ODAD1: variants seen among roughly 807,000 people sequenced by gnomAD.
ODAD1 encodes the protein outer dynein arm-docking complex subunit 1.
ODAD1 carries 49 observed loss-of-function variants against 67.2 expected under a neutral mutation model. The observed-to-expected ratio is 0.73, with a 90% CI of 0.58 to 0.92. The LOEUF is 0.92. Ranked by LOEUF, ODAD1 falls within the 40% of genes least tolerant of loss-of-function variation. The pLI is 0.00. For synonymous variants in ODAD1, 345 were observed against 393.7 expected, an observed-to-expected ratio of 0.88 and a Z score of 1.46; for missense variants, 897 against 953.7, an observed-to-expected ratio of 0.94 and a Z score of 0.78.
intron 12 of ODAD1, 59 bp downstream of exon 12, chr19:48,302,635 G>C (rs1395998445): frequency 6.8e-7 from 1 of 1,471,610 alleles, no homozygotes; most frequent in Non-Finnish European, 9.3e-7. Context: ...CCCGCGGGCT[G>C]ATGGTGTCCT....
intron 5 of ODAD1, among the ~76,000 whole-genome samples, chr19:48,312,825 C>T (rs12151135): frequency 0.18 from 27,178 of 152,098 alleles, 2,543 homozygotes; most frequent in Middle Eastern, 0.23. Flanking sequence ...GAGAATGAGG[C>T]CAGTGGACAG....
At position 48,318,405 on chromosome 19, in the gene ODAD1, G is replaced by A; in HGVS notation, c.342C>T (p.Thr114=). The change falls in exon 5 of 16, where the codon ACC becomes ACT. Residue 114 remains threonine (T), a synonymous_variant. Coordinates refer to ENST00000674294, the MANE Select transcript of ODAD1 (RefSeq NM_001364171.2). The part of the protein sequence containing the change: ...QAEIEELQEQ[T]RALDKQIQEW... The stretch of plus-strand genomic sequence containing the variant: ...ACCCCACCTGCTTGTCCAGGGCCCT[G>A]GTCTGCTCCTGCAGCTCCTCGATCT... The A allele has an allele frequency of 6.4e-7, 1 of 1,551,586 alleles. No homozygotes were observed. Among genetic ancestry groups the A allele is most frequent in the Non-Finnish European group, 8.7e-7 (1 of 1,146,962 alleles).
chr19:48,308,502 G>A (rs1436497354), intron 7 of ODAD1, among the ~76,000 whole-genome samples: 2 of 139,540 alleles, frequency 1.4e-5, no homozygotes, highest in African/African-American at 3.0e-5. Flanking sequence ...AGGAAAATGC[G>A]ATCTTATAAA....
intron 8 of ODAD1, 182 bp downstream of exon 8, chr19:48,306,074 A>G: frequency 1.3e-5 from 6 of 463,278 alleles, no homozygotes; most frequent in Non-Finnish European, 1.7e-5. Context: ...AAAAGACAGA[A>G]CAGGACCTTG....
rs1969034478 is a variant in ODAD1 at position 48,321,767 on chromosome 19, C to T, written c.-153G>A. ...CAGGCCGAGGTCCTACAAGACGGAG[C>T]CCGAGAGGTGCCGGTCTTAAGCTGA... On this transcript the variant is annotated 5_prime_UTR_variant, in exon 1 of 16. Coordinates refer to ENST00000674294, the MANE Select transcript of ODAD1 (RefSeq NM_001364171.2). The T allele has an allele frequency of 5.0e-6, 2 of 398,498 alleles. No individual in the cohort carries two copies. 24.7% of individuals were successfully genotyped at this position (398,498 alleles called of 1,614,324 possible). A position where few individuals can be genotyped will look rare whatever the true frequency, so the allele number is the denominator to read the frequency against.
intron 8 of ODAD1, among the ~76,000 whole-genome samples, chr19:48,305,012 GTTTGT>G (rs1396456491): frequency 6.6e-6 from 1 of 152,168 alleles, no homozygotes; most frequent in African/African-American, 2.4e-5. Context: ...ATTTTGCCAC[GTTTGT>G]TTTAACAGAG....
At chr19:48,302,289 A>T (rs1281332501) in intron 12 of ODAD1, among the ~76,000 whole-genome samples, 2 of 151,334 alleles carry the variant, frequency 1.3e-5, no homozygotes, top group African/African-American at 4.9e-5. Flanking sequence ...TCCTGAATGG[A>T]TGATGGATAT....
chr19:48,310,888 G>A (rs972708018), intron 7 of ODAD1, among the ~76,000 whole-genome samples: 10 of 151,036 alleles, frequency 6.6e-5, no homozygotes, highest in African/African-American at 2.4e-4. Flanking sequence ...ACTAGCCTGG[G>A]CAACATGGTG....
Position 48,296,905 on chromosome 19 carries a change from AG to A in ODAD1, c.*70del. 1 of 1,464,872 alleles carries A rather than the reference AG, an allele frequency of 6.8e-7. No homozygotes were observed. Among genetic ancestry groups the A allele is most frequent in the East Asian group, 2.4e-5 (1 of 41,632 alleles). 90.7% of individuals were successfully genotyped at this position (1,464,872 alleles called of 1,614,324 possible). A position where few individuals can be genotyped will look rare whatever the true frequency, so the allele number is the denominator to read the frequency against. On this transcript the variant is annotated 3_prime_UTR_variant, in exon 16 of 16. Coordinates refer to ENST00000674294, the MANE Select transcript of ODAD1 (RefSeq NM_001364171.2). The stretch of plus-strand genomic sequence containing the variant: ...AAAGACAGAGACCCACAAGGCAAAC[AG>A]GGGAAGTAGAGACACAAAAAAAGAC...
chr19:48,303,348 A>G, intron 10 of ODAD1: 1 of 608,364 alleles, frequency 1.6e-6, no homozygotes. Context: ...AGCAAGGGAG[A>G]TGGGGAGATG....
intron 8 of ODAD1, among the ~76,000 whole-genome samples, chr19:48,305,293 T>A (rs1184295167): frequency 6.6e-6 from 1 of 152,194 alleles, no homozygotes; most frequent in Admixed American, 6.5e-5. Context: ...TGTGCCTCTA[T>A]CTGAAGGTGG....
Position 48,296,635 on chromosome 19 carries a change from A to C in ODAD1, c.*341T>G. Reference sequence around the variant, plus strand: ...CTGGGAGATGGAGATGAGGAGAGAGAGCCGGAAACAGGAGGTGGGGGATCC... The same window carrying C: ...CTGGGAGATGGAGATGAGGAGAGAGCGCCGGAAACAGGAGGTGGGGGATCC... On this transcript the variant is annotated 3_prime_UTR_variant, in exon 16 of 16. Transcript: ENST00000674294. 1 of 395,444 alleles carries C rather than the reference A, an allele frequency of 2.5e-6. No homozygotes were observed. Among genetic ancestry groups the C allele is most frequent in the Non-Finnish European group, 3.9e-6 (1 of 257,556 alleles). The allele number at this position is 395,444 out of a possible 1,614,324, so 24.5% of individuals were successfully genotyped here.
rs1213653173 is a variant in ODAD1 at position 48,320,406 on chromosome 19, A to G, written c.-23-15T>C. 5.5e-6 allele frequency: 7 copies of G among 1,265,028 alleles called. No individual in the cohort carries two copies. In the East Asian group the frequency reaches 4.0e-4, roughly 72 times the overall value. 78.4% of individuals were successfully genotyped at this position (1,265,028 alleles called of 1,614,324 possible). On this transcript the variant is annotated splice_polypyrimidine_tract_variant and intron_variant, in intron 2 of 15. Transcript: ENST00000674294. ...GGGTGGGGCTCCTGTAGGGATGGACATATAAGACCCTTCAGACAGCAGGCG... is the reference window on the plus strand; with the variant it reads ...GGGTGGGGCTCCTGTAGGGATGGACGTATAAGACCCTTCAGACAGCAGGCG...
intron 7 of ODAD1, among the ~76,000 whole-genome samples, chr19:48,310,005 C>T (rs1248640649): frequency 2.6e-5 from 4 of 152,074 alleles, no homozygotes; most frequent in East Asian, 1.9e-4. Flanking sequence ...GAGGCTGAGG[C>T]GGGTGGAACA....
At chr19:48,310,294 C>T (rs1569008415) in intron 7 of ODAD1, among the ~76,000 whole-genome samples, 1 of 152,002 alleles carries the variant, frequency 6.6e-6, no homozygotes, top group Non-Finnish European at 1.5e-5. Flanking sequence ...ACACAAACGG[C>T]CTGGATGCTT....
At chr19:48,307,642 C>T (rs753806845) in intron 7 of ODAD1, among the ~76,000 whole-genome samples, 11 of 151,830 alleles carry the variant, frequency 7.2e-5, no homozygotes, top group Non-Finnish European at 1.3e-4. Flanking sequence ...GGCAAAACCC[C>T]GTCTCTACTA....
In ODAD1 at chr19:48,312,081, A is replaced by G; in HGVS notation, c.396T>C (p.Ser132=). ...TGAATCCCGGGGACCTGACATTCTT[A>G]CTGTGGGTAAAGATCCGCGTCTCCC... The part of the protein sequence containing the change: ...QEWETRIFTH[S]KNVRSPGFIL... Residue 132 remains serine, a synonymous_variant, in exon 6 of 16, where the codon AGT becomes AGC. Transcript: ENST00000674294. The G allele has an allele frequency of 6.4e-7, 1 of 1,550,618 alleles. No homozygotes were observed.
chr19:48,308,548 G>C (rs1474409031), intron 7 of ODAD1, among the ~76,000 whole-genome samples: 1 of 152,216 alleles, frequency 6.6e-6, no homozygotes, highest in Non-Finnish European at 1.5e-5. Context: ...AAATTACCCT[G>C]TTGCAGCCAT....
Position 48,318,808 on chromosome 19 carries a change from A to G in ODAD1, c.75T>C (p.Asp25=), listed in dbSNP as rs1165443670. 1 of 1,546,866 alleles carries G rather than the reference A, an allele frequency of 6.5e-7. No individual in the cohort carries two copies. The highest frequency in any genetic ancestry group is 2.4e-5 in the East Asian group (1 of 40,876). Residue 25 remains aspartate, a synonymous_variant, in exon 4 of 16, where the codon GAT becomes GAC. Transcript: ENST00000674294. ...GSEAFLEGMV[D]WELSRLQRQC... is the part of the protein sequence containing the mutation. ...GTCGCTGCAGCCTACTCAGCTCCCAATCCACTGAGAACAGGGCCAGCCAAG... is the reference window on the plus strand; with the variant it reads ...GTCGCTGCAGCCTACTCAGCTCCCAGTCCACTGAGAACAGGGCCAGCCAAG...
Sources: allele counts gnomAD v4.1 joint callset (sites outside exome capture counted in the v4.1 genomes callset), GRCh38; gene constraint gnomAD v4.1.1; transcripts MANE v1.5; gene names NCBI Gene and HGNC (gene_info 2026-07-23, HGNC 2026-07-21).